The following CEP128 variants were observed in gnomAD, a reference collection of about 807,000 sequenced individuals.
CEP128 encodes the protein centrosomal protein 128kDa.
Under a neutral mutation model 156.7 loss-of-function variants are expected in CEP128, and 132 were observed. That is an observed-to-expected ratio of 0.84 (90% CI 0.73 to 0.97). The LOEUF (loss-of-function observed/expected upper bound fraction) is 0.97. Among genes scored for constraint, CEP128 ranks in the 50% least tolerant of loss-of-function variants. The pLI, the probability that CEP128 is intolerant of heterozygous loss-of-function variation, is 0.00. For missense variants in CEP128, 1,252 were observed against 1,281.9 expected (o/e 0.98, Z 0.36); for synonymous variants, 469 against 448.9 (o/e 1.04, Z -0.57).
At chr14:80,781,620 C>G (rs906779587) in intron 15 of CEP128, among the ~76,000 whole-genome samples, 2 of 151,414 alleles carry the variant, frequency 1.3e-5, no homozygotes, top group African/African-American at 2.4e-5. Context: ...GAAAGGAAAT[C>G]AGAGAGTATC....
intron 8 of CEP128, among the ~76,000 whole-genome samples, chr14:80,885,882 T>C (rs746403764): frequency 3.3e-5 from 5 of 151,928 alleles, no homozygotes; most frequent in Non-Finnish European, 5.9e-5. Flanking sequence ...AGAACCTTGA[T>C]AAAAGGTTAT....
intron 23 of CEP128, among the ~76,000 whole-genome samples, chr14:80,513,509 G>C (rs533654984): frequency 6.6e-6 from 1 of 151,896 alleles, no homozygotes; most frequent in Non-Finnish European, 1.5e-5. Context: ...ATATCTTTCG[G>C]TAGTTTTGGA....
chr14:80,533,203 T>A (rs77456457), intron 21 of CEP128, among the ~76,000 whole-genome samples: 1 of 152,032 alleles, frequency 6.6e-6, no homozygotes, highest in Non-Finnish European at 1.5e-5. Flanking sequence ...CTTAGGAATT[T>A]ATTGACTCTT....
chr14:80,487,779 G>A (rs1190003741), downstream of CEP128, among the ~76,000 whole-genome samples: 2 of 152,112 alleles, frequency 1.3e-5, no homozygotes, highest in African/African-American at 2.4e-5. Context: ...AATGACTACT[G>A]GGTATATAAC....
At chr14:80,635,305 C>A (rs1269573825) in intron 19 of CEP128, among the ~76,000 whole-genome samples, 2 of 152,182 alleles carry the variant, frequency 1.3e-5, no homozygotes, top group African/African-American at 4.8e-5. Context: ...ATAGACCCCA[C>A]ACACAGAATT....
intron 2 of CEP128, 67 bp from the exon 3 acceptor site, chr14:80,916,629 A>C: frequency 7.9e-7 from 1 of 1,266,034 alleles, no homozygotes; most frequent in Non-Finnish European, 1.1e-6. Context: ...GACTAATACA[A>C]CAGTTTACTT....
chr14:80,952,968 A>G (rs1010961152), intron 2 of CEP128, among the ~76,000 whole-genome samples: 5 of 152,240 alleles, frequency 3.3e-5, no homozygotes, highest in Non-Finnish European at 5.9e-5. Context: ...TGACTTGAAT[A>G]GCCCTAAATC....
chr14:80,584,713 AG>A (rs1891742410), intron 19 of CEP128, among the ~76,000 whole-genome samples: 1 of 152,234 alleles, frequency 6.6e-6, no homozygotes, highest in South Asian at 2.1e-4. Flanking sequence ...ACCCCTAGAT[AG>A]TTAAAGTGAC....
intron 19 of CEP128, among the ~76,000 whole-genome samples, chr14:80,663,219 T>C (rs1895471613): frequency 6.6e-6 from 1 of 152,172 alleles, no homozygotes; most frequent in Admixed American, 6.5e-5. Context: ...AGGCTGCAAC[T>C]GGCTTTAAAC....
intron 2 of CEP128, among the ~76,000 whole-genome samples, chr14:80,926,445 A>G (rs1354356751): frequency 6.6e-6 from 1 of 152,108 alleles, no homozygotes; most frequent in Non-Finnish European, 1.5e-5. Context: ...TCCCTGGAAC[A>G]TTACCCCTGC....
At position 80,743,168 on chromosome 14, in the gene CEP128, A is replaced by G. The variant is rs749292123; in HGVS notation, c.2713T>C (p.Leu905=). 2 of 1,613,636 alleles carry G rather than the reference A, an allele frequency of 1.2e-6. No individual in the cohort carries two copies. Among genetic ancestry groups the G allele is most frequent in the African/African-American group, 2.7e-5 (2 of 74,892 alleles). The change falls in exon 19 of 25, where the codon TTG becomes CTG. Residue 905 remains leucine, a synonymous_variant. Transcript: ENST00000555265. The part of the protein sequence containing the change: ...LMLCRQQLRN[L]TENKESELQC... Reference sequence around the variant, plus strand: ...AACTCAGATTCCTTGTTTTCAGTCAAATTCCTGAGTTGTTGTCTGCAGAGC... The same window carrying G: ...AACTCAGATTCCTTGTTTTCAGTCAGATTCCTGAGTTGTTGTCTGCAGAGC...
At chr14:80,518,448 G>C (rs574837321) in intron 23 of CEP128, among the ~76,000 whole-genome samples, 1 of 152,172 alleles carries the variant, frequency 6.6e-6, no homozygotes, top group South Asian at 2.1e-4. Context: ...ATTAGCTGTT[G>C]TTGGGGAAGT....
intron 19 of CEP128, among the ~76,000 whole-genome samples, chr14:80,657,834 C>G (rs2140883487): frequency 6.6e-6 from 1 of 152,076 alleles, no homozygotes; most frequent in African/African-American, 2.4e-5. Context: ...CAATTTTGAA[C>G]AAGAAAAAGA....
chr14:80,846,248 A>G (rs1225912057), intron 9 of CEP128, among the ~76,000 whole-genome samples: 1 of 152,180 alleles, frequency 6.6e-6, no homozygotes, highest in East Asian at 1.9e-4. Context: ...CACAGTAGCA[A>G]TCAGAGTATT....
intron 6 of CEP128, among the ~76,000 whole-genome samples, chr14:80,903,141 G>A (rs576123975): frequency 3.3e-5 from 5 of 151,970 alleles, no homozygotes; most frequent in African/African-American, 9.6e-5. Flanking sequence ...AAACAGCATG[G>A]TACTAGAAAA....
At chr14:80,860,053 A>G (rs1219461844) in intron 9 of CEP128, among the ~76,000 whole-genome samples, 1 of 152,214 alleles carries the variant, frequency 6.6e-6, no homozygotes, top group Non-Finnish European at 1.5e-5. Context: ...TTTTCACCAT[A>G]AACAGGAAAA....
At chr14:80,598,563 T>C (rs1397803531) in intron 19 of CEP128, among the ~76,000 whole-genome samples, 6 of 152,146 alleles carry the variant, frequency 3.9e-5, no homozygotes, top group Non-Finnish European at 7.4e-5. Context: ...ATATGCAAGT[T>C]CCATACAATT....
At chr14:80,498,586 A>G (rs892521085) in intron 24 of CEP128, among the ~76,000 whole-genome samples, 1 of 151,966 alleles carries the variant, frequency 6.6e-6, no homozygotes, top group Admixed American at 6.6e-5. Flanking sequence ...TTCCCATCCA[A>G]TTTCAACTCA....
At chr14:80,578,750 T>C (rs11848992) in intron 20 of CEP128, among the ~76,000 whole-genome samples, 1,767 of 152,272 alleles carry the variant, frequency 0.012, 33 homozygotes, top group African/African-American at 0.04. Flanking sequence ...TTTCCAAGGA[T>C]TTTCCTCTAG....
Sources: gnomAD v4.1 joint callset for allele counts (sites outside exome capture counted in the v4.1 genomes callset) on GRCh38, gnomAD v4.1.1 for gene constraint, MANE v1.5 for transcripts, NCBI Gene and HGNC (gene_info 2026-07-23, HGNC 2026-07-21) for gene names.